NEO1: variants seen among roughly 807,000 people sequenced by gnomAD.
NEO1 encodes neogenin.
Under a neutral mutation model 159.7 loss-of-function variants are expected in NEO1, and 63 were observed. That is an observed-to-expected ratio of 0.39 (90% CI 0.32 to 0.49). The LOEUF is 0.49. Ranked by LOEUF, NEO1 falls within the 20% of genes least tolerant of loss-of-function variation. The pLI is 0.85. For synonymous variants in NEO1, 633 were observed against 662.0 expected, an observed-to-expected ratio of 0.96 and a Z score of 0.67; for missense variants, 1,615 against 1,831.0, an observed-to-expected ratio of 0.88 and a Z score of 2.15.
chr15:73,110,170 G>T (rs752111010), intron 1 of NEO1, among the ~76,000 whole-genome samples: 62 of 152,160 alleles, frequency 4.1e-4, no homozygotes, highest in Non-Finnish European at 7.8e-4. Context: ...TGAAATGTAG[G>T]ATTTGGAGAC....
chr15:73,172,213 A>G (rs1160624800), intron 5 of NEO1, among the ~76,000 whole-genome samples: 1 of 152,190 alleles, frequency 6.6e-6, no homozygotes, highest in African/African-American at 2.4e-5. Flanking sequence ...TTTTAAAAGA[A>G]TATAGGTTTT....
intron 6 of NEO1, among the ~76,000 whole-genome samples, chr15:73,177,522 T>G (rs2035347975): frequency 6.6e-6 from 1 of 152,172 alleles, no homozygotes; most frequent in African/African-American, 2.4e-5. Flanking sequence ...TAAATCATAT[T>G]TATTATACCA....
rs536935200 is a variant in NEO1 at position 73,296,037 on chromosome 15, C to T, written c.3902-2311C>T. Among the ~76,000 whole-genome samples, 129 of 152,294 alleles carry T rather than the reference C, an allele frequency of 8.5e-4. 1 individual carries two copies. Among genetic ancestry groups the T allele is most frequent in the African/African-American group, 3.0e-3 (125 of 41,562 alleles). On this transcript the variant is annotated intron_variant, in intron 26 of 28. Transcript: ENST00000261908. ...CATGATAAAAGCAACGTGCCTGGGG[C>T]CCCCGGAGTTGTGCAAGGCAGCCCT... is the stretch of plus-strand genomic sequence containing the variant.
chr15:73,069,408 A>C lies in NEO1; in HGVS notation c.130+16603A>C, dbSNP rs529877505. 2.1e-3 allele frequency among the ~76,000 whole-genome samples: 314 copies of C among 152,030 alleles called. 2 individuals are homozygous for C. The highest frequency in any genetic ancestry group is 7.2e-3 in the African/African-American group (299 of 41,518). On this transcript the variant is annotated intron_variant, in intron 1 of 28. Coordinates refer to ENST00000261908, the MANE Select transcript of NEO1 (RefSeq NM_002499.4). ...GGCAGAGATACCTTTCTCTGAGGCCAAGAGACTTTTTTTTTTTAAAGAGAG... is the reference window on the plus strand; with the variant it reads ...GGCAGAGATACCTTTCTCTGAGGCCCAGAGACTTTTTTTTTTTAAAGAGAG...
intron 7 of NEO1, among the ~76,000 whole-genome samples, chr15:73,232,362 T>C (rs2038955281): frequency 6.6e-6 from 1 of 152,252 alleles, no homozygotes; most frequent in Non-Finnish European, 1.5e-5. Context: ...TGTGTCTGTA[T>C]AGATTAGTGC....
At position 73,244,954 on chromosome 15, in the gene NEO1, CAAAAAAAAAAAAAA is replaced by C. The variant is rs57566986; in HGVS notation, c.1606+472_1606+485del. On this transcript the variant is annotated intron_variant, in intron 9 of 28. Coordinates refer to ENST00000261908, the MANE Select transcript of NEO1 (RefSeq NM_002499.4). ...TGGGTGACAGAGTGAGACTCTGTCTCAAAAAAAAAAAAAAAAAAAAAAAAAAAAACAACAGCAAA... is the reference window on the plus strand; with the variant it reads ...TGGGTGACAGAGTGAGACTCTGTCTCAAAAAAAAAAAAAAACAACAGCAAA... 1.0e-3 allele frequency among the ~76,000 whole-genome samples: 17 copies of C among 16,524 alleles called. No homozygotes were observed. The South Asian group carries it at 0.042, about 41-fold the overall frequency. 10.8% of individuals were successfully genotyped at this position (16,524 alleles called of 152,430 possible). A position where few individuals can be genotyped will look rare whatever the true frequency, so the allele number is the denominator to read the frequency against.
At chr15:73,239,233 A>G (rs1259856241) in intron 8 of NEO1, among the ~76,000 whole-genome samples, 4 of 152,084 alleles carry the variant, frequency 2.6e-5, no homozygotes, top group Non-Finnish European at 5.9e-5. Context: ...GAGGAAAACC[A>G]CTCTAGGTTA....
At chr15:73,130,313 C>CG (rs943816785) in intron 4 of NEO1, among the ~76,000 whole-genome samples, 45 of 149,408 alleles carry the variant, frequency 3.0e-4, no homozygotes, top group Non-Finnish European at 2.4e-4. Flanking sequence ...TTCCCGCCCC[C>CG]CCCGCCGCAT....
At chr15:73,158,395 A>G (rs2033937704) in intron 5 of NEO1, among the ~76,000 whole-genome samples, 1 of 151,480 alleles carries the variant, frequency 6.6e-6, no homozygotes, top group African/African-American at 2.4e-5. Context: ...GTGTGTGTGT[A>G]TATTATTATT....
At chr15:73,054,090 C>G (rs1207956268) in intron 1 of NEO1, among the ~76,000 whole-genome samples, 2 of 152,158 alleles carry the variant, frequency 1.3e-5, no homozygotes, top group Non-Finnish European at 2.9e-5. Flanking sequence ...ATGATGTACC[C>G]TTATACATTC....
At chr15:73,101,665 C>T (rs2070409993) in intron 1 of NEO1, among the ~76,000 whole-genome samples, 1 of 152,118 alleles carries the variant, frequency 6.6e-6, no homozygotes. Context: ...CCTGTGCTGT[C>T]TATTGTCCAG....
intron 7 of NEO1, among the ~76,000 whole-genome samples, chr15:73,189,355 A>C (rs1010491611): frequency 6.6e-6 from 1 of 152,170 alleles, no homozygotes; most frequent in African/African-American, 2.4e-5. Flanking sequence ...CATCCTGCAA[A>C]TACCGTATTT....
chr15:73,102,461 G>A (rs117629569), intron 1 of NEO1, among the ~76,000 whole-genome samples: 2,024 of 152,226 alleles, frequency 0.013, 18 homozygotes, highest in South Asian at 0.017. Context: ...TTTCCATCTT[G>A]TTCCTTAGTG....
intron 1 of NEO1, among the ~76,000 whole-genome samples, chr15:73,053,862 AGTACTT>A (rs2067578225): frequency 6.6e-6 from 1 of 152,264 alleles, no homozygotes; most frequent in South Asian, 2.1e-4. Flanking sequence ...CCGCTGAACC[AGTACTT>A]GTTTTTCCCT....
At chr15:73,289,034 C>G in intron 24 of NEO1, 112 bp from the exon 25 acceptor site, 2 of 742,022 alleles carry the variant, frequency 2.7e-6, no homozygotes, top group South Asian at 3.2e-5. Context: ...ATGTCTTGTC[C>G]CCATTATGCT....
At chr15:73,071,648 C>T (rs2068537501) in intron 1 of NEO1, among the ~76,000 whole-genome samples, 1 of 151,938 alleles carries the variant, frequency 6.6e-6, no homozygotes, top group African/African-American at 2.4e-5. Context: ...CCATCTCAGC[C>T]TCTCAATGGC....
At chr15:73,105,117 A>G (rs1272638475) in intron 1 of NEO1, among the ~76,000 whole-genome samples, 1 of 152,190 alleles carries the variant, frequency 6.6e-6, no homozygotes, top group Non-Finnish European at 1.5e-5. Context: ...TTATCTACTC[A>G]GTATCAGTGA....
At chr15:73,223,335 G>A (rs1399592634) in intron 7 of NEO1, among the ~76,000 whole-genome samples, 7 of 152,096 alleles carry the variant, frequency 4.6e-5, no homozygotes, top group Admixed American at 4.6e-4. Context: ...TTGTTTCTTT[G>A]TTGACTTTCT....
At chr15:73,084,795 G>T (rs2069263442) in intron 1 of NEO1, among the ~76,000 whole-genome samples, 1 of 151,574 alleles carries the variant, frequency 6.6e-6, no homozygotes, top group Admixed American at 6.6e-5. Flanking sequence ...GTGTGTGTGT[G>T]TGTTTAATGT....
Sources: allele counts gnomAD v4.1 joint callset (sites outside exome capture counted in the v4.1 genomes callset), GRCh38; gene constraint gnomAD v4.1.1; transcripts MANE v1.5; gene names NCBI Gene and HGNC (gene_info 2026-07-23, HGNC 2026-07-21).